Variants in PDHX observed in about 807,000 individuals in gnomAD.
The protein encoded by PDHX is pyruvate dehydrogenase complex component X.
A neutral mutation model predicts 55.3 loss-of-function variants in PDHX; 33 were observed. The ratio of observed to expected loss-of-function variants is 0.60; its 90% CI spans 0.45 to 0.80. The LOEUF (loss-of-function observed/expected upper bound fraction) is 0.80, where lower values mean the gene tolerates loss of function less well. PDHX is among the 30% of genes least tolerant of loss of function. The pLI is 0.00. For synonymous variants in PDHX, 226 were observed against 219.4 expected (o/e 1.03, Z -0.27); for missense variants, 622 against 619.9 (o/e 1.00, Z -0.04).
intron 2 of PDHX, among the ~76,000 whole-genome samples, chr11:34,941,577 G>C (rs188976797): frequency 1.3e-5 from 2 of 152,188 alleles, no homozygotes; most frequent in East Asian, 3.9e-4. Flanking sequence ...TGGTCTTACA[G>C]ATAAAAACTA....
chr11:34,928,277 C>G (rs1009152712), intron 1 of PDHX, among the ~76,000 whole-genome samples: 1 of 151,898 alleles, frequency 6.6e-6, no homozygotes, highest in African/African-American at 2.4e-5. Context: ...TGAAATGGAA[C>G]TCTTTGATAT....
chr11:34,969,879 A>G (rs912034232), intron 6 of PDHX, among the ~76,000 whole-genome samples: 5 of 152,214 alleles, frequency 3.3e-5, no homozygotes, highest in Admixed American at 1.3e-4. Flanking sequence ...ATATAGTAAC[A>G]TAAGATATCC....
chr11:34,982,035 G>A (rs902590062), intron 8 of PDHX, among the ~76,000 whole-genome samples: 2 of 152,138 alleles, frequency 1.3e-5, no homozygotes, highest in African/African-American at 4.8e-5. Flanking sequence ...TTTGGCTTTT[G>A]TTGCCATTGC....
chr11:34,933,228 G>A (rs1473054056), intron 2 of PDHX, among the ~76,000 whole-genome samples: 2 of 152,168 alleles, frequency 1.3e-5, no homozygotes, highest in African/African-American at 4.8e-5. Context: ...ATTGAAACGA[G>A]ACAGGTGATT....
At chr11:34,932,390 T>C (rs1471183806) in intron 2 of PDHX, among the ~76,000 whole-genome samples, 1 of 152,162 alleles carries the variant, frequency 6.6e-6, no homozygotes, top group Non-Finnish European at 1.5e-5. Flanking sequence ...AAAAAATCGA[T>C]AAGACTGTCA....
intron 3 of PDHX, among the ~76,000 whole-genome samples, chr11:34,951,779 G>A (rs61881136): frequency 2.0e-5 from 3 of 152,050 alleles, no homozygotes; most frequent in South Asian, 2.1e-4. Context: ...GCCCATGCCT[G>A]TGTCCTGAAT....
upstream of PDHX, chr11:34,916,106 G>C: frequency 1.6e-5 from 21 of 1,334,902 alleles, no homozygotes; most frequent in Non-Finnish European, 1.9e-5. Flanking sequence ...CGAACGGCCA[G>C]GCCCGAAACC....
chr11:34,964,252 T>G (rs1308049023), intron 5 of PDHX, among the ~76,000 whole-genome samples: 1 of 152,170 alleles, frequency 6.6e-6, no homozygotes, highest in African/African-American at 2.4e-5. Context: ...AACTAAATCA[T>G]TGGCTGTTAC....
At chr11:34,936,049 A>G (rs1032354604) in intron 2 of PDHX, among the ~76,000 whole-genome samples, 3 of 152,324 alleles carry the variant, frequency 2.0e-5, no homozygotes, top group East Asian at 1.9e-4. Flanking sequence ...CACTTTTGCC[A>G]CTAATGACAG....
intron 8 of PDHX, among the ~76,000 whole-genome samples, chr11:34,978,873 C>T (rs1855441173): frequency 6.6e-6 from 1 of 152,044 alleles, no homozygotes; most frequent in African/African-American, 2.4e-5. Context: ...AGAAGGAAGC[C>T]TTTGGAGGGT....
At chr11:34,916,845 T>C in intron 1 of PDHX, 30 bp downstream of exon 1, 2 of 1,537,192 alleles carry the variant, frequency 1.3e-6, no homozygotes, top group Non-Finnish European at 1.8e-6. Flanking sequence ...TCAGCTTCTC[T>C]GTGTAGCTGA....
chr11:34,971,773 A>T (rs952009496), intron 7 of PDHX, among the ~76,000 whole-genome samples: 1 of 152,060 alleles, frequency 6.6e-6, no homozygotes, highest in Admixed American at 6.5e-5. Context: ...TTGTTATCTT[A>T]TCTAGTGGAA....
At chr11:34,934,818 A>G (rs1212961365) in intron 2 of PDHX, among the ~76,000 whole-genome samples, 1 of 151,838 alleles carries the variant, frequency 6.6e-6, no homozygotes, top group Non-Finnish European at 1.5e-5. Context: ...GGCTCAAGTG[A>G]TTCTCCTGCC....
chr11:34,916,963 C>T, intron 1 of PDHX, 148 bp downstream of exon 1: 1 of 844,462 alleles, frequency 1.2e-6, no homozygotes, highest in Non-Finnish European at 1.9e-6. Flanking sequence ...GGTCCGCCGA[C>T]TTGGCCTAAT....
chr11:34,932,939 T>G (rs973961349), intron 2 of PDHX, among the ~76,000 whole-genome samples: 4 of 152,170 alleles, frequency 2.6e-5, no homozygotes, highest in Non-Finnish European at 5.9e-5. Context: ...TGGGGTGATC[T>G]TCATTGAAAA....
intron 7 of PDHX, among the ~76,000 whole-genome samples, chr11:34,971,312 T>G (rs1855253520): frequency 3.3e-5 from 5 of 152,306 alleles, no homozygotes; most frequent in Non-Finnish European, 5.9e-5. Flanking sequence ...TTTTCTTGTC[T>G]TATTGCACTG....
chr11:34,951,543 G>A (rs1854769227), intron 3 of PDHX, among the ~76,000 whole-genome samples: 1 of 152,046 alleles, frequency 6.6e-6, no homozygotes, highest in Non-Finnish European at 1.5e-5. Flanking sequence ...TGATGGGGTT[G>A]TTTGTTTTTT....
At chr11:34,928,037 C>G (rs1413357538) in intron 1 of PDHX, among the ~76,000 whole-genome samples, 1 of 151,916 alleles carries the variant, frequency 6.6e-6, no homozygotes, top group Non-Finnish European at 1.5e-5. Context: ...ATAATAAATG[C>G]AGAGGTTTCA....
At position 34,996,030 on chromosome 11, in the gene PDHX, T is replaced by C. The variant is rs189194127; in HGVS notation, c.*858T>C. 1 of 152,312 alleles carries C rather than the reference T, an allele frequency of 6.6e-6. No homozygotes were observed. Among genetic ancestry groups the C allele is most frequent in the East Asian group, 1.9e-4 (1 of 5,192 alleles). 9.4% of individuals were successfully genotyped at this position (152,312 alleles called of 1,614,324 possible). ...TTGTTTCTTAATGCATTTAAATCAG[T>C]TTTGTATTGTGCAGTAAAATGTGAG... On this transcript the variant is annotated 3_prime_UTR_variant, in exon 11 of 11. Transcript: ENST00000227868.
Sources: gnomAD v4.1 joint callset for allele counts (sites outside exome capture counted in the v4.1 genomes callset) on GRCh38, gnomAD v4.1.1 for gene constraint, MANE v1.5 for transcripts, NCBI Gene and HGNC (gene_info 2026-07-23, HGNC 2026-07-21) for gene names.